The following MAST4 variants were observed in gnomAD, a reference collection of about 807,000 sequenced individuals.
The protein encoded by MAST4 is microtubule-associated serine/threonine-protein kinase 4.
A neutral mutation model predicts 162.7 loss-of-function variants in MAST4; 89 were observed. The observed-to-expected ratio is 0.55, with a 90% CI of 0.46 to 0.65. The LOEUF (loss-of-function observed/expected upper bound fraction) is 0.65, where lower values mean the gene tolerates loss of function less well. Among genes scored for constraint, MAST4 ranks in the 30% least tolerant of loss-of-function variants. The probability of loss-of-function intolerance (pLI) is 0.00; values close to 1 mark genes in which losing one functional copy is unlikely to be tolerated. For missense variants in MAST4, 3,153 were observed against 3,374.0 expected (o/e 0.93, Z 1.62); for synonymous variants, 1,479 against 1,361.1 (o/e 1.09, Z -1.91).
At chr5:66,800,860 A>G (rs989364203) in intron 3 of MAST4, among the ~76,000 whole-genome samples, 7 of 152,196 alleles carry the variant, frequency 4.6e-5, no homozygotes, top group African/African-American at 7.2e-5. Context: ...TGTAGGTGTC[A>G]CCATATACAA....
chr5:67,156,376 A>G (rs1056929324), intron 26 of MAST4, among the ~76,000 whole-genome samples: 6 of 152,018 alleles, frequency 3.9e-5, no homozygotes, highest in Admixed American at 3.9e-4. Context: ...TGCTGTACAT[A>G]CTCTCCAGCT....
At chr5:66,661,094 A>G (rs909631162) in intron 1 of MAST4, among the ~76,000 whole-genome samples, 1 of 152,190 alleles carries the variant, frequency 6.6e-6, no homozygotes, top group African/African-American at 2.4e-5. Context: ...TAGTGTCTAT[A>G]TCAGTCAGGA....
At chr5:67,030,861 T>C (rs1248849122) in intron 4 of MAST4, among the ~76,000 whole-genome samples, 1 of 152,170 alleles carries the variant, frequency 6.6e-6, no homozygotes, top group Non-Finnish European at 1.5e-5. Context: ...AACATTGTGC[T>C]AAAGAGGCCA....
chr5:66,808,948 G>A (rs1431560291), intron 3 of MAST4, among the ~76,000 whole-genome samples: 3 of 152,136 alleles, frequency 2.0e-5, no homozygotes, highest in Non-Finnish European at 4.4e-5. Flanking sequence ...ATTGTAAGAA[G>A]CATTTTTGTA....
At chr5:67,064,835 A>C (rs1760040923) in intron 5 of MAST4, among the ~76,000 whole-genome samples, 1 of 151,128 alleles carries the variant, frequency 6.6e-6, no homozygotes, top group Non-Finnish European at 1.5e-5. Flanking sequence ...AGAGAGGAGA[A>C]GAACTCTTGA....
intron 28 of MAST4, 78 bp downstream of exon 28, chr5:67,162,866 T>A (rs541233991): frequency 4.0e-4 from 570 of 1,419,706 alleles, no homozygotes; most frequent in Non-Finnish European, 5.2e-4. Flanking sequence ...ACATGAAGCT[T>A]GTTCCAGCTG....
chr5:66,816,642 G>T (rs774449597), intron 3 of MAST4, among the ~76,000 whole-genome samples: 7 of 152,120 alleles, frequency 4.6e-5, no homozygotes, highest in Non-Finnish European at 7.4e-5. Flanking sequence ...TTAGGAGCCA[G>T]GCCCACTGTA....
At chr5:66,789,063 A>G (rs1004119235) in intron 3 of MAST4, among the ~76,000 whole-genome samples, 4 of 152,204 alleles carry the variant, frequency 2.6e-5, no homozygotes, top group Non-Finnish European at 4.4e-5. Flanking sequence ...TTATTTTGAA[A>G]TAATATAAAA....
chr5:66,788,645 A>C (rs1755232796), intron 2 of MAST4, 25 bp from the exon 3 acceptor site: 3 of 1,590,792 alleles, frequency 1.9e-6, no homozygotes. Flanking sequence ...TGTCACTTAC[A>C]TTTTCTTCTC....
intron 3 of MAST4, among the ~76,000 whole-genome samples, chr5:66,812,008 T>C (rs1282645505): frequency 6.6e-6 from 1 of 152,200 alleles, no homozygotes; most frequent in Non-Finnish European, 1.5e-5. Flanking sequence ...AAGCAGTTGA[T>C]GGCTGTAAAC....
chr5:66,832,372 GT>G (rs570569079), intron 3 of MAST4, among the ~76,000 whole-genome samples: 7 of 151,360 alleles, frequency 4.6e-5, no homozygotes, highest in Non-Finnish European at 8.8e-5. Flanking sequence ...GTGTGTTTAG[GT>G]TTTTTTTTGT....
chr5:67,052,666 T>C (rs1047292716), intron 4 of MAST4, among the ~76,000 whole-genome samples: 2 of 151,676 alleles, frequency 1.3e-5, no homozygotes, highest in African/African-American at 2.4e-5. Context: ...ACATTTCTTA[T>C]GAATTTTATT....
chr5:66,668,311 T>A (rs1747397845), intron 1 of MAST4, among the ~76,000 whole-genome samples: 2 of 152,252 alleles, frequency 1.3e-5, no homozygotes, highest in Non-Finnish European at 2.9e-5. Context: ...TGAGTGTTAG[T>A]ATCTCCTTTG....
At chr5:66,615,653 A>G (rs909295978) in intron 1 of MAST4, among the ~76,000 whole-genome samples, 2 of 44,406 alleles carry the variant, frequency 4.5e-5, no homozygotes, top group Admixed American at 1.8e-4. Flanking sequence ...GTCTCCCTTA[A>G]AAAAAAAAAA....
At chr5:66,846,269 A>T (rs562255833) in intron 3 of MAST4, among the ~76,000 whole-genome samples, 17 of 152,326 alleles carry the variant, frequency 1.1e-4, no homozygotes, top group Non-Finnish European at 1.9e-4. Flanking sequence ...TAGAAGTTGT[A>T]TCTGGGATAA....
chr5:66,634,689 T>C (rs1362187913), intron 1 of MAST4, among the ~76,000 whole-genome samples: 1 of 152,226 alleles, frequency 6.6e-6, no homozygotes, highest in Non-Finnish European at 1.5e-5. Flanking sequence ...GCCAATTTCA[T>C]GTGGTCTTCT....
intron 3 of MAST4, among the ~76,000 whole-genome samples, chr5:66,840,277 G>A (rs1252377469): frequency 6.6e-6 from 1 of 152,100 alleles, no homozygotes; most frequent in African/African-American, 2.4e-5. Flanking sequence ...TGATGAGATA[G>A]TGATTGTTTT....
At chr5:67,154,651 C>T (rs906647100) in intron 26 of MAST4, among the ~76,000 whole-genome samples, 1 of 152,094 alleles carries the variant, frequency 6.6e-6, no homozygotes, top group African/African-American at 2.4e-5. Context: ...TGGATGCAGT[C>T]GATGTGTGTC....
At chr5:66,951,420 T>C (rs1402922501) in intron 4 of MAST4, among the ~76,000 whole-genome samples, 2 of 152,140 alleles carry the variant, frequency 1.3e-5, no homozygotes, top group African/African-American at 2.4e-5. Flanking sequence ...TGAATCCCTC[T>C]TTTATCTTAT....
Sources: allele counts gnomAD v4.1 joint callset (sites outside exome capture counted in the v4.1 genomes callset), GRCh38; gene constraint gnomAD v4.1.1; transcripts MANE v1.5; gene names NCBI Gene and HGNC (gene_info 2026-07-23, HGNC 2026-07-21).